Variants in RETREG1 observed in about 807,000 individuals in gnomAD.
RETREG1 encodes the protein family with sequence similarity 134 member B.
In RETREG1, 44 loss-of-function variants were observed where a neutral mutation model predicts 54.8. That is an observed-to-expected ratio of 0.80 (90% CI 0.63 to 1.03). RETREG1 has a LOEUF of 1.03. Among genes scored for constraint, RETREG1 ranks in the 50% least tolerant of loss-of-function variants. The pLI, the probability that RETREG1 is intolerant of heterozygous loss-of-function variation, is 0.00. For missense variants in RETREG1, 554 were observed against 605.1 expected (o/e 0.92, Z 0.89); for synonymous variants, 217 against 238.5 (o/e 0.91, Z 0.83).
At chr5:16,560,244 A>C (rs970698518) in intron 3 of RETREG1, among the ~76,000 whole-genome samples, 1 of 152,234 alleles carries the variant, frequency 6.6e-6, no homozygotes, top group African/African-American at 2.4e-5. Flanking sequence ...GTTTATGCTA[A>C]ATTTTGAAGG....
At chr5:16,488,937 G>T (rs1401519934) in intron 3 of RETREG1, among the ~76,000 whole-genome samples, 1 of 151,972 alleles carries the variant, frequency 6.6e-6, no homozygotes, top group Non-Finnish European at 1.5e-5. Context: ...ACAAAAATTA[G>T]CCAGGCCTGG....
intron 3 of RETREG1, among the ~76,000 whole-genome samples, chr5:16,504,633 C>T (rs1739868258): frequency 6.6e-6 from 1 of 152,116 alleles, no homozygotes; most frequent in Non-Finnish European, 1.5e-5. Context: ...CGGGGTATCG[C>T]CAGCACATAA....
intron 3 of RETREG1, among the ~76,000 whole-genome samples, chr5:16,495,300 G>A: frequency 6.6e-6 from 1 of 152,330 alleles, no homozygotes; most frequent in African/African-American, 2.4e-5. Context: ...ATTTTTAGGG[G>A]AGGAATTCAA....
chr5:16,615,273 G>C (rs1314875526), intron 1 of RETREG1, among the ~76,000 whole-genome samples: 1 of 151,398 alleles, frequency 6.6e-6, no homozygotes, highest in Non-Finnish European at 1.5e-5. Context: ...GGTGGCGGGC[G>C]CCTGTAGTCC....
intron 6 of RETREG1, among the ~76,000 whole-genome samples, chr5:16,478,409 G>C (rs1293111955): frequency 1.3e-5 from 2 of 152,096 alleles, no homozygotes; most frequent in Admixed American, 6.6e-5. Flanking sequence ...GAAACTCTGG[G>C]CTGGGGCCTA....
chr5:16,528,506 G>A (rs1561106650), intron 3 of RETREG1, among the ~76,000 whole-genome samples: 1 of 152,122 alleles, frequency 6.6e-6, no homozygotes, highest in South Asian at 2.1e-4. Flanking sequence ...GGATGACATG[G>A]AGGCCAGTCT....
rs147135973 is a variant in RETREG1, at chr5:16,516,326, T to C, written c.459-32854A>G. ...TGTCCTGAGTGATCAGCTGTATTTA[T>C]CAATCAGCCCAAGTGACTGAAAAAT... On this transcript the variant is annotated intron_variant, in intron 3 of 8. Transcript: ENST00000306320. Among the ~76,000 whole-genome samples, 211 of 152,322 alleles carry C rather than the reference T, an allele frequency of 1.4e-3. 1 individual carries two copies. The highest frequency in any genetic ancestry group is 4.9e-3 in the African/African-American group (202 of 41,570).
intron 3 of RETREG1, among the ~76,000 whole-genome samples, chr5:16,556,164 C>CT (rs34637909): frequency 5.8e-4 from 84 of 145,820 alleles, no homozygotes; most frequent in Middle Eastern, 3.6e-3. Flanking sequence ...TTTTTTTTTT[C>CT]TTTTTTTTTT....
intron 3 of RETREG1, among the ~76,000 whole-genome samples, chr5:16,531,068 A>T (rs1579654680): frequency 1.3e-5 from 2 of 152,152 alleles, no homozygotes; most frequent in African/African-American, 4.8e-5. Context: ...TTAATCCCTC[A>T]CTACTTCTGG....
At position 16,597,238 on chromosome 5, in the gene RETREG1, G is replaced by C. The variant is rs995080759; in HGVS notation, c.320+19414C>G. ...GACTTCTCTGTGCCTCAGTGTCATT[G>C]TGAATATTAGTAACGACACCTACCT... On this transcript the variant is annotated intron_variant, in intron 1 of 8. Transcript: ENST00000306320. This position sits in a 1 kb window ranked among gnomAD's most constrained non-coding sequence, Gnocchi z 4.3. 1.3e-5 allele frequency among the ~76,000 whole-genome samples: 2 copies of C among 152,224 alleles called. No homozygotes were observed. The highest frequency in any genetic ancestry group is 2.9e-5 in the Non-Finnish European group (2 of 68,040).
intron 3 of RETREG1, among the ~76,000 whole-genome samples, chr5:16,565,067 A>T (rs1741971178): frequency 6.6e-6 from 1 of 152,160 alleles, no homozygotes; most frequent in South Asian, 2.1e-4. Context: ...AATTCATCTT[A>T]CTGCAATATT....
In RETREG1 at chr5:16,477,689, A is replaced by G; in HGVS notation, c.973T>C (p.Tyr325His). The G allele has an allele frequency of 6.2e-7, 1 of 1,613,284 alleles. No homozygotes were observed. ...DNGTFNLSEG[Y>H]TPQTDTSDDL... Reference sequence around the variant, plus strand: ...TCAGAAGTGTCTGTCTGTGGAGTGTATCCTTCTGAAAGGTTGAAGGTCCCA... The same window carrying G: ...TCAGAAGTGTCTGTCTGTGGAGTGTGTCCTTCTGAAAGGTTGAAGGTCCCA... Residue 325 changes from tyrosine to histidine, a missense_variant, in exon 8 of 9, where the codon TAC becomes CAC. Coordinates refer to ENST00000306320, the MANE Select transcript of RETREG1 (RefSeq NM_001034850.3).
intron 1 of RETREG1, among the ~76,000 whole-genome samples, chr5:16,587,886 T>G (rs1742664164): frequency 6.6e-6 from 1 of 152,182 alleles, no homozygotes; most frequent in Non-Finnish European, 1.5e-5. Context: ...AGAGGTCTGC[T>G]TACCCAGCTC....
At chr5:16,509,657 A>G (rs1331610939) in intron 3 of RETREG1, among the ~76,000 whole-genome samples, 1 of 151,828 alleles carries the variant, frequency 6.6e-6, no homozygotes, top group Non-Finnish European at 1.5e-5. Context: ...TAGGAATGTT[A>G]GGGATGGCAG....
intron 4 of RETREG1, among the ~76,000 whole-genome samples, chr5:16,482,139 G>A (rs76369151): frequency 0.031 from 4,657 of 151,876 alleles, 248 homozygotes; most frequent in African/African-American, 0.11. Flanking sequence ...ACAAAATTAA[G>A]AGCTGTTTCT....
intron 1 of RETREG1, among the ~76,000 whole-genome samples, chr5:16,601,832 T>C (rs891607440): frequency 6.6e-6 from 1 of 152,114 alleles, no homozygotes; most frequent in Admixed American, 6.6e-5. Flanking sequence ...GAAATATCCA[T>C]AATCAAGAGA....
chr5:16,590,971 ACAT>A (rs1295825357), intron 1 of RETREG1, among the ~76,000 whole-genome samples: 2 of 152,150 alleles, frequency 1.3e-5, no homozygotes, highest in Admixed American at 1.3e-4. Context: ...GCACACACAC[ACAT>A]ATTTGCTTGC....
rs375479550 is a variant in RETREG1, at chr5:16,599,387, G to A, written c.320+17265C>T. On this transcript the variant is annotated intron_variant, in intron 1 of 8. Coordinates refer to ENST00000306320, the MANE Select transcript of RETREG1 (RefSeq NM_001034850.3). The stretch of plus-strand genomic sequence containing the variant: ...CTACTCAGTAATAAATTATCATCAC[G>A]CCAATTTTTAATTTAAAATCTATAA... Among the ~76,000 whole-genome samples, 57 of 152,092 alleles carry A rather than the reference G, an allele frequency of 3.7e-4. No homozygotes were observed. In the South Asian group the frequency reaches 9.6e-3, roughly 26 times the overall value.
In RETREG1 at chr5:16,474,738, A is replaced by G; in HGVS notation, c.*3T>C. ...TGTGCTCTGTTGCAAGCTGATTCCT[A>G]GATTAATGGCCTCCCAGCAGATTTG... On this transcript the variant is annotated 3_prime_UTR_variant, in exon 9 of 9. Transcript: ENST00000306320. 6.2e-7 allele frequency: 1 copy of G among 1,604,562 alleles called. No individual in the cohort carries two copies. Among genetic ancestry groups the G allele is most frequent in the Non-Finnish European group, 8.5e-7 (1 of 1,178,440 alleles).
Sources: allele counts gnomAD v4.1 joint callset (sites outside exome capture counted in the v4.1 genomes callset), GRCh38; gene constraint gnomAD v4.1.1; non-coding constraint Gnocchi (gnomAD v3.1); transcripts MANE v1.5; gene names NCBI Gene and HGNC (gene_info 2026-07-23, HGNC 2026-07-21).